The following MID1 variants were observed in gnomAD, a reference collection of about 807,000 sequenced individuals.
The protein encoded by MID1 is E3 ubiquitin-protein ligase Midline-1.
Under a neutral mutation model 40.4 loss-of-function variants are expected in MID1, and 7 were observed. That is an observed-to-expected ratio of 0.17 (90% CI 0.10 to 0.33). The LOEUF (loss-of-function observed/expected upper bound fraction) is 0.33, where lower values mean the gene tolerates loss of function less well. Among genes scored for constraint, MID1 ranks in the 10% least tolerant of loss-of-function variants. MID1 has a pLI of 1.00. For synonymous variants in MID1, 229 were observed against 221.2 expected (o/e 1.04, Z -0.31); for missense variants, 367 against 558.5 (o/e 0.66, Z 3.46).
intron 2 of MID1, among the ~76,000 whole-genome samples, chrX:10,542,249 G>GCTGT (rs1280723270): frequency 3.7e-5 from 4 of 107,219 alleles, no homozygotes; most frequent in Non-Finnish European, 7.8e-5. Context: ...CCATGTGTAG[G>GCTGT]CTGTCTTTGG....
chrX:10,459,414 A>T (rs1478775232), intron 8 of MID1, among the ~76,000 whole-genome samples: 1 of 112,284 alleles, frequency 8.9e-6, no homozygotes, highest in African/African-American at 3.2e-5. Flanking sequence ...TCAATTTTTT[A>T]AAATTGAGTA....
intron 1 of MID1, among the ~76,000 whole-genome samples, chrX:10,726,686 C>G (rs917832148): frequency 5.3e-5 from 6 of 112,276 alleles, no homozygotes; most frequent in Non-Finnish European, 1.1e-4. Context: ...TTACCTTTGC[C>G]CTCATTTCCC....
At position 10,449,147 on chromosome X, in the gene MID1, T is replaced by C; in HGVS notation, c.*221A>G. 2.8e-6 allele frequency: 1 copy of C among 360,855 alleles called. No homozygotes were observed. The highest frequency in any genetic ancestry group is 4.8e-6 in the Non-Finnish European group (1 of 208,699). The allele number at this position is 360,855 out of a possible 1,213,427, so 29.7% of individuals were successfully genotyped here. A position where few individuals can be genotyped will look rare whatever the true frequency, so the allele number is the denominator to read the frequency against. The stretch of plus-strand genomic sequence containing the variant: ...TCTCTTATAAATAATCTATAGATTT[T>C]CCTCTAAATACAAAAAAATTAAAGA... On this transcript the variant is annotated 3_prime_UTR_variant, in exon 10 of 10. Coordinates refer to ENST00000317552, the MANE Select transcript of MID1 (RefSeq NM_000381.4).
intron 1 of MID1, among the ~76,000 whole-genome samples, chrX:10,769,317 C>T (rs2043750135): frequency 9.0e-6 from 1 of 110,694 alleles, no homozygotes. Flanking sequence ...AAAAAAAAAG[C>T]CCAGTAGGCT....
At chrX:10,815,882 C>T (rs930297151) in intron 1 of MID1, among the ~76,000 whole-genome samples, 1 of 112,320 alleles carries the variant, frequency 8.9e-6, no homozygotes, top group African/African-American at 3.2e-5. Context: ...AGGAATCCTA[C>T]CATCTTTCAC....
intron 1 of MID1, among the ~76,000 whole-genome samples, chrX:10,791,164 C>T (rs780550679): frequency 8.9e-6 from 1 of 112,666 alleles, no homozygotes; most frequent in Admixed American, 9.4e-5. Context: ...ATTCAACTGA[C>T]ATTTGTTCAG....
chrX:10,636,498 C>T (rs1936111041), intron 1 of MID1, among the ~76,000 whole-genome samples: 2 of 109,379 alleles, frequency 1.8e-5, no homozygotes, highest in African/African-American at 6.7e-5. Context: ...CAGGTTTCAC[C>T]GTTGGGATTT....
At chrX:10,715,791 C>G (rs1231918586) in intron 1 of MID1, among the ~76,000 whole-genome samples, 2 of 111,763 alleles carry the variant, frequency 1.8e-5, no homozygotes, top group African/African-American at 6.5e-5. Flanking sequence ...TGGGAGGCAC[C>G]CCCCAGTAGG....
At position 10,465,187 on chromosome X, in the gene MID1, T is replaced by TTATA. The variant is rs1170214071; in HGVS notation, c.1285+4506_1285+4509dup. Among the ~76,000 whole-genome samples, 333 of 48,014 alleles carry TTATA rather than the reference T, an allele frequency of 6.9e-3. 4 individuals are homozygous for TTATA. The highest frequency in any genetic ancestry group is 0.016 in the South Asian group (12 of 773). The allele number at this position is 48,014 out of a possible 115,157, so 41.7% of individuals were successfully genotyped here. ...CAGCAGAGCAAGACTGTCTGAAATT[T>TTATA]TATATATATATATATATATATATAT... On this transcript the variant is annotated intron_variant, in intron 7 of 9. Coordinates refer to ENST00000317552, the MANE Select transcript of MID1 (RefSeq NM_000381.4).
intron 1 of MID1, among the ~76,000 whole-genome samples, chrX:10,593,520 C>T (rs757175703): frequency 1.0e-3 from 116 of 111,322 alleles, no homozygotes; most frequent in Middle Eastern, 4.6e-3. Context: ...TATTGCCCAA[C>T]AAAAAGAGAC....
At chrX:10,796,281 TATA>T (rs2043966375) in intron 1 of MID1, among the ~76,000 whole-genome samples, 1 of 112,031 alleles carries the variant, frequency 8.9e-6, no homozygotes, top group Non-Finnish European at 1.9e-5. Context: ...ATAGTCACAG[TATA>T]ATGTGATTTT....
chrX:10,748,311 TAAATGTG>T (rs746589151), intron 1 of MID1, among the ~76,000 whole-genome samples: 1 of 111,776 alleles, frequency 8.9e-6, no homozygotes, highest in Admixed American at 9.5e-5. Context: ...AGAGAACAAT[TAAATGTG>T]AAAACTCACC....
intron 1 of MID1, among the ~76,000 whole-genome samples, chrX:10,641,538 C>A (rs183946502): frequency 0.019 from 2,152 of 111,144 alleles, 52 homozygotes; most frequent in African/African-American, 0.067. Flanking sequence ...GCCTACCAAC[C>A]AAAAAAGTCA....
intron 1 of MID1, among the ~76,000 whole-genome samples, chrX:10,787,767 T>C (rs1333379575): frequency 2.8e-5 from 3 of 105,479 alleles, no homozygotes; most frequent in African/African-American, 1.0e-4. Context: ...CTAACAGGAA[T>C]TTCCCCCCCT....
rs993023629 is a variant in MID1, at chrX:10,447,407, C to A, written c.*1961G>T. 2 of 111,333 alleles carry A rather than the reference C, an allele frequency of 1.8e-5. No homozygotes were observed. Among genetic ancestry groups the A allele is most frequent in the African/African-American group, 6.5e-5 (2 of 30,606 alleles). The allele number at this position is 111,333 out of a possible 1,213,427, so 9.2% of individuals were successfully genotyped here. ...GAGTTTTAGACCCTTTTATTTAGAA[C>A]CTGTTAGTGTACAAAGTGCATTAAA... On this transcript the variant is annotated 3_prime_UTR_variant, in exon 10 of 10. Transcript: ENST00000317552.
At chrX:10,592,273 TTA>T (rs1491143433) in intron 1 of MID1, among the ~76,000 whole-genome samples, 1 of 30,115 alleles carries the variant, frequency 3.3e-5, no homozygotes, top group Non-Finnish European at 5.3e-5. Context: ...AGGGACTGCG[TTA>T]AAAAAAAAAA....
At chrX:10,811,636 T>G (rs903525017) in intron 1 of MID1, among the ~76,000 whole-genome samples, 4 of 111,720 alleles carry the variant, frequency 3.6e-5, no homozygotes, top group Non-Finnish European at 3.8e-5. Context: ...GAGAGAAATG[T>G]TCATTGATAG....
At chrX:10,488,964 C>T (rs1930774695) in intron 4 of MID1, among the ~76,000 whole-genome samples, 1 of 110,318 alleles carries the variant, frequency 9.1e-6, no homozygotes, top group African/African-American at 3.3e-5. Flanking sequence ...TTAATAAACT[C>T]CTCTCTCTCT....
In MID1 at chrX:10,580,501, T is replaced by C. The variant is rs189348450; in HGVS notation, c.-56-12898A>G. On this transcript the variant is annotated intron_variant, in intron 1 of 9. Transcript: ENST00000317552. ...CTAACATTAATATAGTATACCGCTT[T>C]TGCCAAGTCATGGTGGTAATATCTT... Among the ~76,000 whole-genome samples, 63 of 111,244 alleles carry C rather than the reference T, an allele frequency of 5.7e-4. No homozygotes were observed. In the East Asian group the frequency reaches 7.6e-3, roughly 13 times the overall value.
Sources: allele counts gnomAD v4.1 joint callset (sites outside exome capture counted in the v4.1 genomes callset), GRCh38; gene constraint gnomAD v4.1.1; transcripts MANE v1.5; gene names NCBI Gene and HGNC (gene_info 2026-07-23, HGNC 2026-07-21).